The following GRM7 variants were observed in gnomAD, a reference collection of about 807,000 sequenced individuals.
The protein encoded by GRM7 is glutamate metabotropic receptor 7, also known as metabotropic glutamate receptor 7.
Under a neutral mutation model 84.5 loss-of-function variants are expected in GRM7, and 35 were observed. The observed-to-expected ratio is 0.41, with a 90% CI of 0.32 to 0.55. GRM7 has a LOEUF of 0.55. GRM7 is among the 20% of genes least tolerant of loss of function. GRM7 has a pLI of 0.19. For synonymous variants in GRM7, 487 were observed against 455.1 expected (o/e 1.07, Z -0.89); for missense variants, 1,003 against 1,194.6 (o/e 0.84, Z 2.36).
chr3:7,438,051 T>C (rs774124991), intron 5 of GRM7, among the ~76,000 whole-genome samples: 2 of 152,120 alleles, frequency 1.3e-5, no homozygotes, highest in African/African-American at 2.4e-5. Context: ...CAGATTACAC[T>C]GAGCCTCGTA....
chr3:7,586,907 T>C (rs1695546012), intron 8 of GRM7, among the ~76,000 whole-genome samples: 1 of 152,216 alleles, frequency 6.6e-6, no homozygotes, highest in African/African-American at 2.4e-5. Flanking sequence ...ATATACTGTA[T>C]GATTCAATTT....
intron 1 of GRM7, among the ~76,000 whole-genome samples, chr3:6,990,357 G>A (rs1028041966): frequency 6.6e-6 from 1 of 152,198 alleles, no homozygotes; most frequent in African/African-American, 2.4e-5. Flanking sequence ...CTCTTAAGGG[G>A]AGTTAGAAAA....
chr3:7,284,285 C>CGTGTGTGTGTGTGTGTGT (rs138776968), intron 2 of GRM7, among the ~76,000 whole-genome samples: 1 of 131,052 alleles, frequency 7.6e-6, no homozygotes, highest in African/African-American at 2.6e-5. Context: ...CATGCTCACT[C>CGTGTGTGTGTGTGTGTGT]GTGTGTGTGT....
chr3:7,277,979 G>A (rs2124990301), intron 2 of GRM7, among the ~76,000 whole-genome samples: 1 of 152,128 alleles, frequency 6.6e-6, no homozygotes, highest in South Asian at 2.1e-4. Flanking sequence ...CATTATTGCT[G>A]AGAACAAATA....
rs1429054959 is a variant in GRM7 at position 7,645,268 on chromosome 3, G to T, written c.2452-34781G>T. ...AAGCTGAATTTTCTACTGTCAGTTG[G>T]CTGGGCACAGTGGCTCACGCCTGTA... On this transcript the variant is annotated intron_variant, in intron 8 of 9. Transcript: ENST00000357716. 2.0e-5 allele frequency among the ~76,000 whole-genome samples: 3 copies of T among 152,176 alleles called. No homozygotes were observed. In the East Asian group the frequency reaches 5.8e-4, roughly 29 times the overall value.
chr3:7,173,265 C>T (rs902671636), intron 2 of GRM7, among the ~76,000 whole-genome samples: 1 of 152,174 alleles, frequency 6.6e-6, no homozygotes, highest in Admixed American at 6.5e-5. Context: ...CTCGTCTTTA[C>T]TACTTACAAT....
chr3:7,357,156 A>G (rs1693445816), intron 4 of GRM7, among the ~76,000 whole-genome samples: 1 of 151,908 alleles, frequency 6.6e-6, no homozygotes, highest in African/African-American at 2.4e-5. Flanking sequence ...GGCAACTAGG[A>G]CTATAAAGGT....
chr3:7,406,397 G>C (rs1249253822), intron 4 of GRM7, among the ~76,000 whole-genome samples: 1 of 151,920 alleles, frequency 6.6e-6, no homozygotes, highest in Non-Finnish European at 1.5e-5. Flanking sequence ...CTACTCCAGA[G>C]GCTGAGGCAG....
At chr3:7,563,260 G>A (rs928101027) in intron 7 of GRM7, among the ~76,000 whole-genome samples, 1 of 152,096 alleles carries the variant, frequency 6.6e-6, no homozygotes, top group African/African-American at 2.4e-5. Flanking sequence ...GATACAGAAG[G>A]CTCAAGCGCA....
In GRM7 at chr3:6,895,890, C is replaced by A. The variant is rs60957593; in HGVS notation, c.519+33983C>A. Among the ~76,000 whole-genome samples the A allele has an allele frequency of 8.6e-3, 1,301 of 151,744 alleles. 21 individuals are homozygous for A. The highest frequency in any genetic ancestry group is 0.03 in the African/African-American group (1,222 of 41,370). On this transcript the variant is annotated intron_variant, in intron 1 of 9. Coordinates refer to ENST00000357716, the MANE Select transcript of GRM7 (RefSeq NM_000844.4). ...CATTGAGTAAAAATATATATTTATT[C>A]CTCACCCAATATGACATGAGGTGCA...
intron 1 of GRM7, among the ~76,000 whole-genome samples, chr3:6,924,584 A>C (rs529922666): frequency 1.3e-5 from 2 of 152,152 alleles, no homozygotes; most frequent in Non-Finnish European, 2.9e-5. Flanking sequence ...TATTGTGGCT[A>C]AGTATCACAA....
intron 8 of GRM7, among the ~76,000 whole-genome samples, chr3:7,603,221 T>C (rs1364561407): frequency 3.3e-5 from 5 of 152,112 alleles, no homozygotes; most frequent in Admixed American, 6.6e-5. Flanking sequence ...TAGGCAAACA[T>C]GGTGAAGTAT....
At chr3:7,229,467 A>G (rs955235019) in intron 2 of GRM7, among the ~76,000 whole-genome samples, 1 of 151,834 alleles carries the variant, frequency 6.6e-6, no homozygotes, top group African/African-American at 2.4e-5. Context: ...CTCAAACCCA[A>G]GAACCCAAGC....
chr3:7,445,497 G>GC (rs1236280967), intron 5 of GRM7, among the ~76,000 whole-genome samples: 2 of 152,144 alleles, frequency 1.3e-5, no homozygotes, highest in African/African-American at 4.8e-5. Flanking sequence ...TGCGGGTGGT[G>GC]CTGTGACCCC....
At chr3:7,047,493 G>A (rs1696845545) in intron 1 of GRM7, among the ~76,000 whole-genome samples, 1 of 152,076 alleles carries the variant, frequency 6.6e-6, no homozygotes, top group Admixed American at 6.6e-5. Flanking sequence ...AAAGAGAGGT[G>A]AAGTGTCTTG....
At chr3:7,643,576 C>T (rs1349166324) in intron 8 of GRM7, among the ~76,000 whole-genome samples, 3 of 152,214 alleles carry the variant, frequency 2.0e-5, no homozygotes, top group Non-Finnish European at 4.4e-5. Flanking sequence ...AAGCTTTCCA[C>T]TGGCCAACAG....
chr3:6,960,781 G>C (rs1445412878), intron 1 of GRM7, among the ~76,000 whole-genome samples: 1 of 152,122 alleles, frequency 6.6e-6, no homozygotes, highest in Non-Finnish European at 1.5e-5. Context: ...CCTAAGAGGA[G>C]AATGCCTTTT....
chr3:7,375,072 A>G (rs1694289992), intron 4 of GRM7, among the ~76,000 whole-genome samples: 1 of 152,000 alleles, frequency 6.6e-6, no homozygotes, highest in Admixed American at 6.6e-5. Context: ...CCTTGCCTTC[A>G]CTCTTCTCAA....
chr3:6,989,835 A>G (rs1431408421), intron 1 of GRM7, among the ~76,000 whole-genome samples: 1 of 152,240 alleles, frequency 6.6e-6, no homozygotes, highest in East Asian at 1.9e-4. Context: ...CTTGGGACCC[A>G]TGAAGAGAAA....
Sources: allele counts gnomAD v4.1 joint callset (sites outside exome capture counted in the v4.1 genomes callset), GRCh38; gene constraint gnomAD v4.1.1; transcripts MANE v1.5; gene names NCBI Gene and HGNC (gene_info 2026-07-23, HGNC 2026-07-21).